Variants in GRM7 observed in about 807,000 individuals in gnomAD.
GRM7 encodes the protein glutamate metabotropic receptor 7, also known as metabotropic glutamate receptor 7.
In GRM7, 35 loss-of-function variants were observed where a neutral mutation model predicts 84.5. The observed-to-expected ratio is 0.41, with a 90% CI of 0.32 to 0.55. GRM7 has a LOEUF of 0.55. Among genes scored for constraint, GRM7 ranks in the 20% least tolerant of loss-of-function variants. GRM7 has a pLI of 0.19. For synonymous variants in GRM7, 487 were observed against 455.1 expected, an observed-to-expected ratio of 1.07 and a Z score of -0.89; for missense variants, 1,003 against 1,194.6, an observed-to-expected ratio of 0.84 and a Z score of 2.36.
chr3:7,515,298 T>C (rs1389032564), intron 7 of GRM7, among the ~76,000 whole-genome samples: 2 of 152,128 alleles, frequency 1.3e-5, no homozygotes, highest in Non-Finnish European at 2.9e-5. Flanking sequence ...CCTGATAGTT[T>C]TTGTGTTTGA....
At chr3:7,694,804 G>A (rs1559492428) in intron 9 of GRM7, among the ~76,000 whole-genome samples, 1 of 152,096 alleles carries the variant, frequency 6.6e-6, no homozygotes. Context: ...CCTATGTATG[G>A]CAGAAAATTT....
At chr3:7,329,464 T>C (rs17698091) in intron 4 of GRM7, among the ~76,000 whole-genome samples, 67,555 of 152,000 alleles carry the variant, frequency 0.44, 15,243 homozygotes, top group African/African-American at 0.52. Context: ...TGAATGGGTA[T>C]GTGGAGCTGC....
intron 1 of GRM7, among the ~76,000 whole-genome samples, chr3:6,980,660 T>C (rs575822124): frequency 6.6e-6 from 1 of 152,332 alleles, no homozygotes; most frequent in South Asian, 2.1e-4. Flanking sequence ...AATACACACC[T>C]GATATACATG....
chr3:7,109,393 A>G (rs144620007), intron 1 of GRM7, among the ~76,000 whole-genome samples: 222 of 152,190 alleles, frequency 1.5e-3, no homozygotes, highest in African/African-American at 5.0e-3. Flanking sequence ...CTCTGCGTCA[A>G]CTCTGACAAA....
chr3:7,237,690 T>A (rs1214669913), intron 2 of GRM7, among the ~76,000 whole-genome samples: 1 of 152,066 alleles, frequency 6.6e-6, no homozygotes, highest in Non-Finnish European at 1.5e-5. Flanking sequence ...GCAGCAAGAT[T>A]TATTGTGAAG....
At chr3:6,952,832 G>T (rs1013215209) in intron 1 of GRM7, among the ~76,000 whole-genome samples, 1 of 152,148 alleles carries the variant, frequency 6.6e-6, no homozygotes, top group African/African-American at 2.4e-5. Flanking sequence ...AGTACCATAT[G>T]ACTTTCTTTC....
At chr3:7,301,066 G>T (rs1464399715) in intron 3 of GRM7, among the ~76,000 whole-genome samples, 2 of 151,906 alleles carry the variant, frequency 1.3e-5, no homozygotes, top group Non-Finnish European at 2.9e-5. Flanking sequence ...TACGGTTTAG[G>T]CCTCATCTAC....
chr3:7,435,496 C>T (rs1066659), intron 5 of GRM7, among the ~76,000 whole-genome samples: 39,294 of 151,626 alleles, frequency 0.26, 7,042 homozygotes, highest in African/African-American at 0.51. Flanking sequence ...ATTAGTTTGT[C>T]CTAGAGATTT....
chr3:7,326,981 G>C (rs915497798), intron 4 of GRM7, among the ~76,000 whole-genome samples: 5 of 151,978 alleles, frequency 3.3e-5, no homozygotes, highest in Non-Finnish European at 7.4e-5. Flanking sequence ...TAATATCTGT[G>C]TTCCCAGAAT....
At chr3:7,640,515 G>A (rs1016079928) in intron 8 of GRM7, among the ~76,000 whole-genome samples, 1 of 152,094 alleles carries the variant, frequency 6.6e-6, no homozygotes, top group Non-Finnish European at 1.5e-5. Context: ...AATTCTACTT[G>A]TTCTCCAATA....
intron 1 of GRM7, among the ~76,000 whole-genome samples, chr3:6,964,428 G>T (rs1693429865): frequency 6.6e-6 from 1 of 152,156 alleles, no homozygotes; most frequent in South Asian, 2.1e-4. Flanking sequence ...TACGCATTGT[G>T]TAAGGACTTA....
chr3:6,948,573 G>A (rs984254789), intron 1 of GRM7, among the ~76,000 whole-genome samples: 21 of 152,080 alleles, frequency 1.4e-4, no homozygotes, highest in Admixed American at 5.2e-4. Flanking sequence ...TATTAGGTCC[G>A]CTTGGTGCAG....
chr3:7,301,537 T>C (rs1320720023), intron 3 of GRM7, among the ~76,000 whole-genome samples: 1 of 152,190 alleles, frequency 6.6e-6, no homozygotes, highest in Non-Finnish European at 1.5e-5. Flanking sequence ...AAAAGATGTA[T>C]GGCAATTAGT....
At chr3:7,094,238 A>G (rs1559435255) in intron 1 of GRM7, among the ~76,000 whole-genome samples, 1 of 152,352 alleles carries the variant, frequency 6.6e-6, no homozygotes, top group Middle Eastern at 3.4e-3. Context: ...AAAACCCACA[A>G]TTTTATAAAA....
intron 1 of GRM7, among the ~76,000 whole-genome samples, chr3:7,103,768 T>TTC (rs1272406826): frequency 9.6e-5 from 6 of 62,466 alleles, no homozygotes; most frequent in African/African-American, 8.7e-4. Context: ...CTTTCTTTCT[T>TTC]TCTTTCTTTC....
At chr3:6,901,052 C>CCTAA (rs1338782812) in intron 1 of GRM7, among the ~76,000 whole-genome samples, 3 of 152,116 alleles carry the variant, frequency 2.0e-5, no homozygotes, top group Admixed American at 6.5e-5. Context: ...GTTGAGTTTT[C>CCTAA]CTAACTCTTA....
chr3:7,015,809 A>G (rs1695543193), intron 1 of GRM7, among the ~76,000 whole-genome samples: 1 of 152,166 alleles, frequency 6.6e-6, no homozygotes, highest in Non-Finnish European at 1.5e-5. Context: ...TCCCATTGTA[A>G]GTGATGTAAG....
intron 8 of GRM7, among the ~76,000 whole-genome samples, chr3:7,661,717 T>C (rs906205706): frequency 2.9e-5 from 4 of 136,092 alleles, no homozygotes; most frequent in African/African-American, 1.1e-4. Flanking sequence ...TGGGGTGAAC[T>C]CGGGAGGCAG....
At chr3:7,679,426 T>A (rs1027969756) in intron 8 of GRM7, among the ~76,000 whole-genome samples, 3 of 151,010 alleles carry the variant, frequency 2.0e-5, no homozygotes, top group Non-Finnish European at 2.9e-5. Context: ...CATTAGTAAT[T>A]TGACAATATA....
Sources: allele counts gnomAD v4.1 joint callset (sites outside exome capture counted in the v4.1 genomes callset), GRCh38; gene constraint gnomAD v4.1.1; transcripts MANE v1.5; gene names NCBI Gene and HGNC (gene_info 2026-07-23, HGNC 2026-07-21).